MROH2B: variants seen among roughly 807,000 people sequenced by gnomAD.
The protein encoded by MROH2B is maestro heat like repeat family member 2B.
In MROH2B, 177 loss-of-function variants were observed where a neutral mutation model predicts 208.6. The observed-to-expected ratio is 0.85, with a 90% CI of 0.75 to 0.96. The LOEUF is 0.96. Among genes scored for constraint, MROH2B ranks in the 40% least tolerant of loss-of-function variants. The pLI is 0.00. For synonymous variants in MROH2B, 728 were observed against 659.0 expected (o/e 1.10, Z -1.60); for missense variants, 2,002 against 1,878.7 (o/e 1.07, Z -1.21).
intron 39 of MROH2B, 173 bp from the exon 40 acceptor site, chr5:40,999,952 G>A (rs530120374): frequency 2.9e-6 from 2 of 685,144 alleles, no homozygotes; most frequent in Admixed American, 3.0e-5. Context: ...TAATCAGGAA[G>A]CCATCAGAGT....
At chr5:41,028,042 G>A (rs377284262) in intron 24 of MROH2B, among the ~76,000 whole-genome samples, 1 of 151,890 alleles carries the variant, frequency 6.6e-6, no homozygotes, top group Admixed American at 6.6e-5. Flanking sequence ...CCGTCGTGGG[G>A]TGGGGGGATG....
At position 41,057,142 on chromosome 5, in the gene MROH2B, C is replaced by T; in HGVS notation, c.886G>A (p.Glu296Lys). The part of the protein sequence containing the change: ...RAPEPPVKEN[E>K]MKASSCFLIL... ...AGAAAACAGCTTGAAGCTTTCATTTCATTTTCCTTTACTGGAGGCTCTGGA... is the reference window on the plus strand; with the variant it reads ...AGAAAACAGCTTGAAGCTTTCATTTTATTTTCCTTTACTGGAGGCTCTGGA... Residue 296 changes from glutamate (E) to lysine (K), a missense_variant, in exon 9 of 42, where the codon GAA becomes AAA. Physicochemically the swap from Glu to Lys is moderately conservative, Grantham distance 56. Coordinates refer to ENST00000399564, the MANE Select transcript of MROH2B (RefSeq NM_173489.5). 6.2e-7 allele frequency: 1 copy of T among 1,613,984 alleles called. No individual in the cohort carries two copies. Among genetic ancestry groups the T allele is most frequent in the South Asian group, 1.1e-5 (1 of 91,078 alleles).
At chr5:41,005,459 T>G in intron 35 of MROH2B, 72 bp downstream of exon 35, 1 of 532,002 alleles carries the variant, frequency 1.9e-6, no homozygotes, top group Non-Finnish European at 3.1e-6. Context: ...CAGTGCACAC[T>G]GGGCTCCAGA....
At chr5:41,054,869 C>A in intron 10 of MROH2B, 29 bp from the exon 11 acceptor site, 4 of 1,500,208 alleles carry the variant, frequency 2.7e-6, no homozygotes, top group Non-Finnish European at 3.7e-6. Context: ...AATTGAGAGG[C>A]CTGACTCAAT....
Position 41,018,805 on chromosome 5 carries a change from G to A in MROH2B, c.2578-19C>T. 18 of 1,613,796 alleles carry A rather than the reference G, an allele frequency of 1.1e-5. No homozygotes were observed. Among genetic ancestry groups the A allele is most frequent in the Non-Finnish European group, 1.5e-5 (18 of 1,179,812 alleles). On this transcript the variant is annotated intron_variant, in intron 25 of 41. Transcript: ENST00000399564. Reference sequence around the variant, plus strand: ...AGAGAAACTGAAATCAAATATGTGTGTGTGAGTCTCAGGCTGGGGTGAGAG... The same window carrying A: ...AGAGAAACTGAAATCAAATATGTGTATGTGAGTCTCAGGCTGGGGTGAGAG...
chr5:41,007,209 A>T, intron 34 of MROH2B, 105 bp downstream of exon 34: 1 of 1,138,064 alleles, frequency 8.8e-7, no homozygotes, highest in Non-Finnish European at 1.2e-6. Flanking sequence ...TATTAGTCCT[A>T]AGTGAATCAA....
chr5:41,038,800 A>G lies in MROH2B; in HGVS notation c.2150T>C (p.Leu717Pro). 2 of 1,613,572 alleles carry G rather than the reference A, an allele frequency of 1.2e-6. No individual in the cohort carries two copies. Among genetic ancestry groups the G allele is most frequent in the East Asian group, 4.5e-5 (2 of 44,876 alleles). ...AVALHAPKKQ[L>P]LSRLNQDIIS... ...GATATCTTGATTAAGTCTGGAGAGA[A>G]GTTGCTTCTTGGGAGCATGGAGGGC... The change falls in exon 21 of 42, where the codon CTT becomes CCT. Residue 717 changes from leucine (L) to proline (P), a missense_variant. Leu to Pro is a moderately conservative substitution (Grantham distance 98). Transcript: ENST00000399564.
intron 18 of MROH2B, among the ~76,000 whole-genome samples, chr5:41,044,360 TA>T (rs765014578): frequency 6.6e-6 from 1 of 152,126 alleles, no homozygotes; most frequent in Non-Finnish European, 1.5e-5. Flanking sequence ...TGTCAAAGTA[TA>T]AAATTGTGAC....
At chr5:40,999,328 G>C (rs983734349) in intron 40 of MROH2B, among the ~76,000 whole-genome samples, 1 of 152,156 alleles carries the variant, frequency 6.6e-6, no homozygotes, top group Non-Finnish European at 1.5e-5. Context: ...TTGAGTATGG[G>C]TTATCTTATG....
intron 6 of MROH2B, 67 bp from the exon 7 acceptor site, chr5:41,058,270 C>T: frequency 7.1e-7 from 1 of 1,402,426 alleles, no homozygotes; most frequent in Non-Finnish European, 9.4e-7. Context: ...TTTCAGAACA[C>T]CAGGAGCTTT....
At chr5:41,038,076 T>C (rs2150169751) in intron 21 of MROH2B, among the ~76,000 whole-genome samples, 1 of 152,236 alleles carries the variant, frequency 6.6e-6, no homozygotes. Context: ...GGGATGAATG[T>C]GGAGGGGGAA....
At chr5:41,010,173 T>G in intron 30 of MROH2B, 94 bp from the exon 31 acceptor site, 1 of 1,148,632 alleles carries the variant, frequency 8.7e-7, no homozygotes, top group Non-Finnish European at 1.2e-6. Context: ...GGGCAGCTGA[T>G]GAATTCTAAA....
At chr5:41,041,993 T>C in intron 19 of MROH2B, 99 bp downstream of exon 19, 1 of 612,952 alleles carries the variant, frequency 1.6e-6, no homozygotes, top group Non-Finnish European at 2.7e-6. Context: ...ATAATTATGA[T>C]TAAGTAGAAC....
chr5:41,042,192 GC>G lies in MROH2B; in HGVS notation c.1852del (p.Ala618ProfsTer6). On this transcript the variant is annotated frameshift_variant, in exon 19 of 42. Coordinates refer to ENST00000399564, the MANE Select transcript of MROH2B (RefSeq NM_173489.5). LOFTEE classifies it high-confidence loss of function. ...GCAGCATGCTAAGGTGGTTCCCAAG[GC>G]TTTCCAAAGGAATTTCTGGAAAACA... The part of the protein sequence containing the change: ...NSTEKKFLWK[A>X]LGTTLACCQD... 2.5e-6 allele frequency: 4 copies of G among 1,571,472 alleles called. No individual in the cohort carries two copies. The highest frequency in any genetic ancestry group is 3.5e-6 in the Non-Finnish European group (4 of 1,155,040).
intron 19 of MROH2B, among the ~76,000 whole-genome samples, chr5:41,041,156 AGC>A (rs1229771291): frequency 6.6e-6 from 1 of 152,200 alleles, no homozygotes; most frequent in Non-Finnish European, 1.5e-5. Flanking sequence ...GTAATATAAA[AGC>A]AGTTTCAAAA....
In MROH2B at chr5:41,058,327, T is replaced by G. The variant is rs561692783; in HGVS notation, c.616-124A>C. The G allele has an allele frequency of 3.3e-6, 3 of 906,288 alleles. No homozygotes were observed. The African/African-American group carries it at 5.1e-5, about 15-fold the overall frequency. The allele number at this position is 906,288 out of a possible 1,614,324, so 56.1% of individuals were successfully genotyped here. ...TCACTGCTTTCAGCCAAGAAATAAT[T>G]CTTTAAATTCTTTAAAATCTTTAAA... On this transcript the variant is annotated intron_variant, in intron 6 of 41. Transcript: ENST00000399564.
At chr5:41,024,385 C>T (rs996003939) in intron 24 of MROH2B, among the ~76,000 whole-genome samples, 13 of 152,146 alleles carry the variant, frequency 8.5e-5, no homozygotes, top group African/African-American at 3.1e-4. Context: ...GGTTGCAATC[C>T]TAGTCTCTGA....
intron 33 of MROH2B, 97 bp downstream of exon 33, chr5:41,008,509 G>T: frequency 7.3e-7 from 1 of 1,366,260 alleles, no homozygotes; most frequent in Non-Finnish European, 1.0e-6. Flanking sequence ...GACAATGGAT[G>T]CTATGACAGA....
At chr5:41,041,799 AATTCAATC>A (rs1464026102) in intron 19 of MROH2B, among the ~76,000 whole-genome samples, 14 of 152,330 alleles carry the variant, frequency 9.2e-5, no homozygotes, top group Middle Eastern at 3.4e-3. Context: ...TCAGCTTGTA[AATTCAATC>A]ATTTTGATGC....
Sources: gnomAD v4.1 joint callset for allele counts (sites outside exome capture counted in the v4.1 genomes callset) on GRCh38, gnomAD v4.1.1 for gene constraint, MANE v1.5 for transcripts, NCBI Gene and HGNC (gene_info 2026-07-23, HGNC 2026-07-21) for gene names.